The following NBAS variants were observed in gnomAD, a reference collection of about 807,000 sequenced individuals.
NBAS encodes the protein NAG/BC035112 fusion.
In NBAS, 219 loss-of-function variants were observed where a neutral mutation model predicts 302.5. The observed-to-expected ratio is 0.72, with a 90% CI of 0.65 to 0.81. NBAS has a LOEUF of 0.81. Among genes scored for constraint, NBAS ranks in the 30% least tolerant of loss-of-function variants. The pLI is 0.00. For missense variants in NBAS, 2,932 were observed against 2,841.6 expected, an observed-to-expected ratio of 1.03 and a Z score of -0.72; for synonymous variants, 1,118 against 1,021.6, an observed-to-expected ratio of 1.09 and a Z score of -1.80.
chr2:15,078,463 T>C, the NBAS span, among the ~76,000 whole-genome samples: 8 of 152,234 alleles, frequency 5.3e-5, no homozygotes, highest in Non-Finnish European at 1.0e-4. Context: ...TTTGTCACTT[T>C]AATCTTTTTC....
At chr2:15,287,802 C>T (rs891715888) in intron 41 of NBAS, among the ~76,000 whole-genome samples, 11 of 151,848 alleles carry the variant, frequency 7.2e-5, no homozygotes, top group African/African-American at 2.4e-4. Context: ...CTGAGCACCC[C>T]GTGTAGGCAT....
At chr2:14,994,910 C>T in the NBAS span, among the ~76,000 whole-genome samples, 1 of 152,166 alleles carries the variant, frequency 6.6e-6, no homozygotes, top group African/African-American at 2.4e-5. Context: ...TGGGCTACAC[C>T]AGTGATGCCC....
At chr2:15,178,184 G>C (rs1203717168) in intron 51 of NBAS, 1 of 469,718 alleles carries the variant, frequency 2.1e-6, no homozygotes, top group South Asian at 1.5e-5. Flanking sequence ...TAAAAAAATA[G>C]CATGCATGTG....
chr2:15,252,454 C>T (rs541327010), intron 44 of NBAS, among the ~76,000 whole-genome samples: 3 of 151,642 alleles, frequency 2.0e-5, no homozygotes, highest in Admixed American at 6.6e-5. Context: ...GCTGAGATCG[C>T]GCCATTGCAC....
chr2:15,118,470 A>G, the NBAS span, among the ~76,000 whole-genome samples: 1 of 151,890 alleles, frequency 6.6e-6, no homozygotes, highest in African/African-American at 2.4e-5. Flanking sequence ...TTCCCCTTCC[A>G]CCTTGTATCT....
intron 42 of NBAS, among the ~76,000 whole-genome samples, chr2:15,283,674 T>C (rs559061630): frequency 6.6e-6 from 1 of 152,230 alleles, no homozygotes; most frequent in East Asian, 1.9e-4. Flanking sequence ...AATGGACTAA[T>C]ACAAATTTAA....
intron 25 of NBAS, among the ~76,000 whole-genome samples, chr2:15,410,645 G>C (rs960245335): frequency 6.6e-6 from 1 of 152,136 alleles, no homozygotes; most frequent in Non-Finnish European, 1.5e-5. Context: ...CTTTGCATAA[G>C]TTCTAAGTCT....
At chr2:15,172,168 A>C (rs1184215686) in intron 51 of NBAS, among the ~76,000 whole-genome samples, 1 of 152,224 alleles carries the variant, frequency 6.6e-6, no homozygotes, top group Non-Finnish European at 1.5e-5. Context: ...TTAGGTGTTA[A>C]TATTTTGATA....
At chr2:15,504,886 G>A (rs1380840223) in intron 10 of NBAS, among the ~76,000 whole-genome samples, 2 of 152,008 alleles carry the variant, frequency 1.3e-5, no homozygotes, top group Admixed American at 1.3e-4. Context: ...ATGAAAACAA[G>A]CATTCAAACA....
chr2:15,355,982 T>A (rs1673597676), intron 33 of NBAS, among the ~76,000 whole-genome samples: 1 of 152,232 alleles, frequency 6.6e-6, no homozygotes, highest in Admixed American at 6.5e-5. Flanking sequence ...TATAAAAATT[T>A]AAATTTTCTC....
At chr2:15,244,684 C>T (rs192414413) in intron 44 of NBAS, among the ~76,000 whole-genome samples, 7 of 152,254 alleles carry the variant, frequency 4.6e-5, no homozygotes, top group African/African-American at 1.4e-4. Context: ...GGACCTGATG[C>T]GCAGCCTACT....
chr2:15,481,904 C>A (rs940472211), intron 12 of NBAS, among the ~76,000 whole-genome samples: 2 of 152,146 alleles, frequency 1.3e-5, no homozygotes, highest in African/African-American at 4.8e-5. Flanking sequence ...CTAAAAACAT[C>A]GCTCTCTCCC....
At chr2:15,345,216 T>C (rs899719336) in intron 35 of NBAS, among the ~76,000 whole-genome samples, 2 of 152,150 alleles carry the variant, frequency 1.3e-5, no homozygotes, top group East Asian at 1.9e-4. Context: ...GGAAGTCAAA[T>C]TGTCTCTGTT....
the NBAS span, among the ~76,000 whole-genome samples, chr2:14,793,756 T>C: frequency 6.6e-6 from 1 of 152,066 alleles, no homozygotes; most frequent in South Asian, 2.1e-4. Context: ...AAGAAATCTA[T>C]ACCAAAATAT....
intron 48 of NBAS, among the ~76,000 whole-genome samples, chr2:15,208,512 C>T (rs905671066): frequency 7.9e-5 from 12 of 152,066 alleles, no homozygotes; most frequent in East Asian, 1.9e-4. Flanking sequence ...AGAAAATCAA[C>T]GAAGAAACAT....
the NBAS span, among the ~76,000 whole-genome samples, chr2:14,888,001 A>C: frequency 1.3e-5 from 2 of 152,242 alleles, no homozygotes; most frequent in African/African-American, 4.8e-5. Context: ...ATTTGTACAT[A>C]AGGTGGTTGA....
At chr2:14,905,518 C>T in the NBAS span, among the ~76,000 whole-genome samples, 1 of 152,194 alleles carries the variant, frequency 6.6e-6, no homozygotes, top group Non-Finnish European at 1.5e-5. Context: ...GTGCCCCTGC[C>T]TTGCTCTCTG....
chr2:15,102,146 T>A, the NBAS span, among the ~76,000 whole-genome samples: 1 of 152,216 alleles, frequency 6.6e-6, no homozygotes, highest in East Asian at 1.9e-4. Flanking sequence ...GCATCCTCTG[T>A]GTCCAGCCAC....
In NBAS at chr2:15,442,797, G is replaced by A. The variant is rs921549782; in HGVS notation, c.2340-15003C>T. On this transcript the variant is annotated intron_variant, in intron 21 of 51. Transcript: ENST00000281513. ...AAAAAGAGAGAAGAATCAAATAGAC[G>A]CAATAAAAAATGATAAAGGGGATAT... is the stretch of plus-strand genomic sequence containing the variant. Among the ~76,000 whole-genome samples, 51 of 150,236 alleles carry A rather than the reference G, an allele frequency of 3.4e-4. No homozygotes were observed. The Middle Eastern group carries it at 0.01, about 30-fold the overall frequency.
Sources: allele counts gnomAD v4.1 joint callset (sites outside exome capture counted in the v4.1 genomes callset), GRCh38; gene constraint gnomAD v4.1.1; transcripts MANE v1.5; gene names NCBI Gene and HGNC (gene_info 2026-07-23, HGNC 2026-07-21).